Variants in EPSTI1 observed in about 807,000 individuals in gnomAD.
EPSTI1 encodes the protein epithelial-stromal interaction protein 1.
A neutral mutation model predicts 49.9 loss-of-function variants in EPSTI1; 66 were observed. The observed-to-expected ratio is 1.32, with a 90% CI of 1.08 to 1.62. The LOEUF is 1.62. Among genes scored for constraint, EPSTI1 ranks in the 40% most tolerant of loss-of-function variants. The probability of loss-of-function intolerance (pLI) is 0.00; values close to 1 mark genes in which losing one functional copy is unlikely to be tolerated. For missense variants in EPSTI1, 394 were observed against 365.5 expected (o/e 1.08, Z -0.64); for synonymous variants, 137 against 130.7 (o/e 1.05, Z -0.33).
rs1411065975 is a variant in EPSTI1, at chr13:42,887,373, A to C, written c.*1121T>G. The C allele has an allele frequency of 1.3e-5, 2 of 151,982 alleles. No homozygotes were observed. Among genetic ancestry groups the C allele is most frequent in the African/African-American group, 2.4e-5 (1 of 41,320 alleles). The allele number at this position is 151,982 out of a possible 1,614,324, so 9.4% of individuals were successfully genotyped here. ...TGTCTCTTGGCCCAAGAATTTCAAA[A>C]CCCCATGTTTTCCTGAATAAAGAGA... is the stretch of plus-strand genomic sequence containing the variant. On this transcript the variant is annotated 3_prime_UTR_variant, in exon 11 of 11. Coordinates refer to ENST00000313624, the MANE Select transcript of EPSTI1 (RefSeq NM_033255.5).
Position 42,922,047 on chromosome 13 carries a change from A to T in EPSTI1, c.657+4289T>A, listed in dbSNP as rs1038538490. On this transcript the variant is annotated intron_variant, in intron 7 of 10. Transcript: ENST00000313624. The surrounding 1 kb of genome is among the most constrained non-coding windows in gnomAD (Gnocchi z 4.8). Reference sequence around the variant, plus strand: ...AGAGTTGTACAGAAGATATAACCAGAGTATACCGACTGGCTTGGCAGTGAG... The same window carrying T: ...AGAGTTGTACAGAAGATATAACCAGTGTATACCGACTGGCTTGGCAGTGAG... 2.0e-5 allele frequency among the ~76,000 whole-genome samples: 3 copies of T among 152,228 alleles called. No homozygotes were observed. The highest frequency in any genetic ancestry group is 2.9e-5 in the Non-Finnish European group (2 of 68,046).
In EPSTI1 at chr13:42,924,876, T is replaced by C. The variant is rs551889812; in HGVS notation, c.657+1460A>G. On this transcript the variant is annotated intron_variant, in intron 7 of 10. Transcript: ENST00000313624. Reference sequence around the variant, plus strand: ...AGTGTCATAATATCTTCCTGACATTTAAAAACATGGTCTCTATTGAGAAAG... The same window carrying C: ...AGTGTCATAATATCTTCCTGACATTCAAAAACATGGTCTCTATTGAGAAAG... 3.8e-4 allele frequency among the ~76,000 whole-genome samples: 58 copies of C among 152,308 alleles called. 1 individual carries two copies. In the South Asian group the frequency reaches 0.012, roughly 30 times the overall value.
In EPSTI1 at chr13:42,992,209, G is replaced by A. The variant is rs2040211458; in HGVS notation, c.-44C>T. On this transcript the variant is annotated 5_prime_UTR_variant, in exon 1 of 11. Coordinates refer to ENST00000313624, the MANE Select transcript of EPSTI1 (RefSeq NM_033255.5). ...CCCGGGCCGCCGTCGCTGCGGGAGG[G>A]ATGCGGCTGGGACGCTTAGCGAGTC... The A allele has an allele frequency of 6.7e-7, 1 of 1,493,654 alleles. No homozygotes were observed. The highest frequency in any genetic ancestry group is 1.8e-4 in the Middle Eastern group (1 of 5,518). 92.5% of individuals were successfully genotyped at this position (1,493,654 alleles called of 1,614,324 possible).
chr13:42,946,797 C>T (rs893856640), intron 6 of EPSTI1, among the ~76,000 whole-genome samples: 30 of 152,156 alleles, frequency 2.0e-4, no homozygotes, highest in Admixed American at 7.9e-4. Flanking sequence ...AGAACAGCAG[C>T]GGTATTAGAA....
At chr13:42,923,264 G>A (rs1419792852) in intron 7 of EPSTI1, among the ~76,000 whole-genome samples, 1 of 152,146 alleles carries the variant, frequency 6.6e-6, no homozygotes, top group Non-Finnish European at 1.5e-5. Flanking sequence ...CTTCGTTGAG[G>A]AAGTAGGGGC....
intron 6 of EPSTI1, among the ~76,000 whole-genome samples, chr13:42,937,634 A>C (rs1566135666): frequency 6.6e-6 from 1 of 152,212 alleles, no homozygotes; most frequent in Non-Finnish European, 1.5e-5. Context: ...TCATCCGTTG[A>C]AGTTTGATCA....
At chr13:42,950,636 C>G (rs1005697389) in intron 6 of EPSTI1, among the ~76,000 whole-genome samples, 5 of 152,196 alleles carry the variant, frequency 3.3e-5, no homozygotes, top group African/African-American at 9.7e-5. Flanking sequence ...ATAGTCCGCT[C>G]AAGTCCATGG....
chr13:42,974,520 G>A (rs551605846), intron 1 of EPSTI1, among the ~76,000 whole-genome samples: 40 of 152,044 alleles, frequency 2.6e-4, no homozygotes, highest in African/African-American at 8.4e-4. Context: ...TTAGCCGGGC[G>A]TGGTGGTGGG....
chr13:42,903,221 A>AAT (rs1555257851), intron 8 of EPSTI1, among the ~76,000 whole-genome samples: 1 of 151,690 alleles, frequency 6.6e-6, no homozygotes, highest in Non-Finnish European at 1.5e-5. Flanking sequence ...TGTTACTTTA[A>AAT]AATTTTTAAG....
intron 8 of EPSTI1, among the ~76,000 whole-genome samples, chr13:42,917,049 A>G (rs1378530906): frequency 6.6e-6 from 1 of 152,234 alleles, no homozygotes; most frequent in Non-Finnish European, 1.5e-5. Context: ...CTCAAAACAT[A>G]TGGAATGCCT....
At chr13:42,988,451 G>C (rs1228298097) in intron 1 of EPSTI1, among the ~76,000 whole-genome samples, 1 of 152,154 alleles carries the variant, frequency 6.6e-6, no homozygotes, top group African/African-American at 2.4e-5. Flanking sequence ...ACTCAATCTT[G>C]GCCAGGCGCG....
chr13:42,945,015 A>G (rs2038876695), intron 6 of EPSTI1, among the ~76,000 whole-genome samples: 1 of 152,222 alleles, frequency 6.6e-6, no homozygotes, highest in South Asian at 2.1e-4. Flanking sequence ...ATAAGATCCA[A>G]TTCAGAGCAA....
At chr13:42,954,448 T>G (rs4942183) in intron 5 of EPSTI1, among the ~76,000 whole-genome samples, 2 of 152,000 alleles carry the variant, frequency 1.3e-5, no homozygotes, top group South Asian at 4.1e-4. Flanking sequence ...CTAAAGTATT[T>G]GAGAAGAGAT....
intron 3 of EPSTI1, among the ~76,000 whole-genome samples, chr13:42,968,325 T>TG (rs138456775): frequency 1.1e-4 from 17 of 147,946 alleles, no homozygotes; most frequent in African/African-American, 2.9e-4. Context: ...ATGTTCTTGG[T>TG]GGGGGGGCAG....
At chr13:42,890,261 A>C (rs9562436) in intron 10 of EPSTI1, among the ~76,000 whole-genome samples, 16,012 of 146,988 alleles carry the variant, frequency 0.11, 1,035 homozygotes, top group East Asian at 0.31. Context: ...ATTCCACAGC[A>C]TCTTTCTACA....
At chr13:42,989,540 C>A (rs1420007011) in intron 1 of EPSTI1, among the ~76,000 whole-genome samples, 1 of 138,194 alleles carries the variant, frequency 7.2e-6, no homozygotes, top group Non-Finnish European at 1.6e-5. Context: ...TGAAACTGTA[C>A]TATTAAAGCA....
intron 1 of EPSTI1, among the ~76,000 whole-genome samples, chr13:42,975,513 G>A (rs147483186): frequency 6.6e-6 from 1 of 152,290 alleles, no homozygotes; most frequent in Non-Finnish European, 1.5e-5. Context: ...AGATAAATAA[G>A]CAGGAAATCA....
Position 42,991,950 on chromosome 13 carries a change from C to A in EPSTI1, c.188+28G>T, listed in dbSNP as rs1313162077. 3 of 1,612,500 alleles carry A rather than the reference C, an allele frequency of 1.9e-6. No individual in the cohort carries two copies. The East Asian group carries it at 6.7e-5, about 36-fold the overall frequency. On this transcript the variant is annotated intron_variant, in intron 1 of 10. Coordinates refer to ENST00000313624, the MANE Select transcript of EPSTI1 (RefSeq NM_033255.5). ...GTATGTTTGGGGCCCGGGCTCCCGC[C>A]CCGAAGCCAGGTTGTTAAAATACTC...
chr13:42,889,180 T>C (rs772962171), intron 10 of EPSTI1: 6 of 1,545,218 alleles, frequency 3.9e-6, no homozygotes, highest in Non-Finnish European at 4.4e-6. Flanking sequence ...AGAGGAAATA[T>C]TATTTAAAGG....
Sources: allele counts gnomAD v4.1 joint callset (sites outside exome capture counted in the v4.1 genomes callset), GRCh38; gene constraint gnomAD v4.1.1; non-coding constraint Gnocchi (gnomAD v3.1); transcripts MANE v1.5; gene names NCBI Gene and HGNC (gene_info 2026-07-23, HGNC 2026-07-21).